SLC17A3: variants seen among roughly 807,000 people sequenced by gnomAD.
SLC17A3 encodes the protein sodium-dependent phosphate transport protein 4.
SLC17A3 carries 61 observed loss-of-function variants against 60.3 expected under a neutral mutation model. That is an observed-to-expected ratio of 1.01 (90% CI 0.82 to 1.25). The LOEUF (loss-of-function observed/expected upper bound fraction) is 1.25, where lower values mean the gene tolerates loss of function less well. Ranked by LOEUF, SLC17A3 falls within the 50% of genes most tolerant of loss-of-function variation. The probability of loss-of-function intolerance (pLI) is 0.00; values close to 1 mark genes in which losing one functional copy is unlikely to be tolerated. For missense variants in SLC17A3, 624 were observed against 594.9 expected (o/e 1.05, Z -0.51); for synonymous variants, 192 against 208.9 (o/e 0.92, Z 0.70).
chr6:25,855,194 C>T lies in SLC17A3; in HGVS notation c.662G>A (p.Gly221Asp). The change falls in exon 6 of 13, where the codon GGT becomes GAT. Residue 221 changes from glycine to aspartate, a missense_variant. Gly to Asp is a moderately conservative substitution (Grantham distance 94). Coordinates refer to ENST00000397060, the MANE Select transcript of SLC17A3 (RefSeq NM_001098486.2). ...LLGCFTAILI[G>D]GFISETLGWP... Reference sequence around the variant, plus strand: ...CCCAAGGGTTTCACTAATGAAGCCACCTATGAGGATGGCAGTAAAGCATCC... The same window carrying T: ...CCCAAGGGTTTCACTAATGAAGCCATCTATGAGGATGGCAGTAAAGCATCC... The T allele has an allele frequency of 1.2e-6, 2 of 1,613,636 alleles. No individual in the cohort carries two copies. The highest frequency in any genetic ancestry group is 1.7e-6 in the Non-Finnish European group (2 of 1,179,764).
Position 25,849,922 on chromosome 6 carries a change from G to A in SLC17A3, c.1154C>T (p.Ser385Phe), listed in dbSNP as rs1030268170. The change falls in exon 10 of 13, where the codon TCT becomes TTT. Residue 385 changes from serine to phenylalanine, a missense_variant. Physicochemically the swap from Ser to Phe is radical, Grantham distance 155. Transcript: ENST00000397060. ...ATAGCCGGAATTGAGGTAAGGCAGAGACACAATGAGTGCTGAAGAGGGGAG... is the reference window on the plus strand; with the variant it reads ...ATAGCCGGAATTGAGGTAAGGCAGAAACACAATGAGTGCTGAAGAGGGGAG... ...GSLPSSALIVSLPYLNSGYIT... is the reference protein window; with the variant it reads ...GSLPSSALIVFLPYLNSGYIT... The A allele has an allele frequency of 4.3e-6, 7 of 1,613,974 alleles. No homozygotes were observed. The African/African-American group carries it at 9.3e-5, about 22-fold the overall frequency.
intron 6 of SLC17A3, among the ~76,000 whole-genome samples, chr6:25,854,377 C>G (rs1765326758): frequency 6.6e-6 from 1 of 152,010 alleles, no homozygotes. Context: ...TGGTAATATT[C>G]CTTGTTCTGA....
chr6:25,865,950 A>G (rs1275827880), intron 2 of SLC17A3, among the ~76,000 whole-genome samples: 1 of 152,040 alleles, frequency 6.6e-6, no homozygotes, highest in African/African-American at 2.4e-5. Flanking sequence ...GTGAGAGGTT[A>G]TATTAATGAA....
At chr6:25,851,755 G>C (rs1765281232) in intron 6 of SLC17A3, among the ~76,000 whole-genome samples, 1 of 151,956 alleles carries the variant, frequency 6.6e-6, no homozygotes, top group South Asian at 2.1e-4. Flanking sequence ...TGATCTATTT[G>C]CCAATGTTTA....
intron 1 of SLC17A3, among the ~76,000 whole-genome samples, chr6:25,870,225 T>C (rs985309888): frequency 4.6e-5 from 7 of 152,116 alleles, no homozygotes; most frequent in Admixed American, 2.6e-4. Flanking sequence ...GTGTGGCCAG[T>C]ACATTTTAAA....
intron 2 of SLC17A3, among the ~76,000 whole-genome samples, chr6:25,867,999 G>A (rs991376360): frequency 2.0e-5 from 3 of 151,450 alleles, no homozygotes; most frequent in East Asian, 1.9e-4. Flanking sequence ...ATACAGTTAT[G>A]TTTAAAATAT....
At chr6:25,862,755 CAT>C (rs1404770912) in intron 2 of SLC17A3, among the ~76,000 whole-genome samples, 1 of 150,822 alleles carries the variant, frequency 6.6e-6, no homozygotes, top group African/African-American at 2.4e-5. Flanking sequence ...AATGCATATA[CAT>C]ATGTGTGTGT....
At position 25,844,895 on chromosome 6, in the gene SLC17A3, A is replaced by G. The variant is rs1191240428; in HGVS notation, c.*406T>C. The G allele has an allele frequency of 1.7e-5, 3 of 174,784 alleles. No homozygotes were observed. The highest frequency in any genetic ancestry group is 3.7e-5 in the Non-Finnish European group (3 of 81,242). The allele number at this position is 174,784 out of a possible 1,614,324, so 10.8% of individuals were successfully genotyped here. ...ATAAATGGAGGACATATAGGGAAGA[A>G]CACATGGACAATACTCAACCCAATA... is the stretch of plus-strand genomic sequence containing the variant. On this transcript the variant is annotated 3_prime_UTR_variant, in exon 13 of 13. Transcript: ENST00000397060.
intron 5 of SLC17A3, among the ~76,000 whole-genome samples, chr6:25,857,411 C>A (rs973681777): frequency 6.6e-6 from 1 of 151,780 alleles, no homozygotes; most frequent in African/African-American, 2.4e-5. Flanking sequence ...ATGCTGGCTG[C>A]AATTATCCTC....
At chr6:25,869,915 C>T (rs919952687) in intron 1 of SLC17A3, among the ~76,000 whole-genome samples, 1 of 152,018 alleles carries the variant, frequency 6.6e-6, no homozygotes, top group African/African-American at 2.4e-5. Context: ...ATTCTAAAAT[C>T]CATCCATGTT....
chr6:25,862,462 T>A lies in SLC17A3; in HGVS notation c.92-18A>T. On this transcript the variant is annotated intron_variant, in intron 2 of 12. Transcript: ENST00000397060. ...ACTTGGAACTGGAAATATTATGACA[T>A]CATATTAGTGTTTTTTAAAATTGAG... The A allele has an allele frequency of 6.3e-7, 1 of 1,586,182 alleles. No homozygotes were observed. Among genetic ancestry groups the A allele is most frequent in the Non-Finnish European group, 8.7e-7 (1 of 1,154,758 alleles).
rs139396357 is a variant in SLC17A3, at chr6:25,861,684, T to C, written c.565A>G (p.Ile189Val). The change falls in exon 5 of 13, where the codon ATT (isoleucine) becomes GTT (valine). Residue 189 changes from isoleucine to valine, a missense_variant. Transcript: ENST00000397060. ...TGTGGAGGGCCCCACTTTTCCCAAA[T>C]TGCAAACTGACCCCCAAGTATTGAG... ...QSSILGGQFA[I>V]WEKWGPPQER... The C allele has an allele frequency of 5.6e-6, 9 of 1,614,016 alleles. No individual in the cohort carries two copies. In the African/African-American group the frequency reaches 8.0e-5, roughly 14 times the overall value.
intron 10 of SLC17A3, 43 bp downstream of exon 10, chr6:25,849,762 T>C: frequency 6.2e-7 from 1 of 1,603,846 alleles, no homozygotes; most frequent in South Asian, 1.1e-5. Context: ...AGCTAAATCT[T>C]TTAAAGAAAA....
chr6:25,846,117 T>A (rs1484071643), intron 11 of SLC17A3, among the ~76,000 whole-genome samples: 4 of 152,178 alleles, frequency 2.6e-5, no homozygotes, highest in African/African-American at 9.7e-5. Flanking sequence ...TTTTAATGTA[T>A]AATTATTTAC....
At position 25,862,023 on chromosome 6, in the gene SLC17A3, C is replaced by A; in HGVS notation, c.310G>T (p.Val104Leu). 1.2e-6 allele frequency: 2 copies of A among 1,602,298 alleles called. No homozygotes were observed. The highest frequency in any genetic ancestry group is 1.7e-6 in the Non-Finnish European group (2 of 1,173,812). ...APKSLPAKAP[V>L]YDWSPQIQGI... Reference sequence around the variant, plus strand: ...TGGATTTGAGGAGACCAGTCATACACAGGAGCCTTAGAGAAACAGAGAATG... The same window carrying A: ...TGGATTTGAGGAGACCAGTCATACAAAGGAGCCTTAGAGAAACAGAGAATG... Residue 104 changes from valine (V) to leucine (L), a missense_variant, in exon 4 of 13, where the codon GTG (valine) becomes TTG (leucine). Coordinates refer to ENST00000397060, the MANE Select transcript of SLC17A3 (RefSeq NM_001098486.2).
chr6:25,873,466 T>C (rs1165001055), intron 1 of SLC17A3, among the ~76,000 whole-genome samples: 1 of 152,068 alleles, frequency 6.6e-6, no homozygotes, highest in Non-Finnish European at 1.5e-5. Context: ...ATCTGTGAAG[T>C]TGCAGCTGCC....
intron 6 of SLC17A3, among the ~76,000 whole-genome samples, chr6:25,852,812 A>G (rs1765300843): frequency 6.6e-6 from 1 of 152,024 alleles, no homozygotes; most frequent in Non-Finnish European, 1.5e-5. Context: ...TCAATTTATT[A>G]TTCTCTTCAT....
At chr6:25,847,958 C>T (rs1238710800) in intron 11 of SLC17A3, among the ~76,000 whole-genome samples, 1 of 152,120 alleles carries the variant, frequency 6.6e-6, no homozygotes, top group Non-Finnish European at 1.5e-5. Flanking sequence ...TTTGCATCAT[C>T]ACAGTTTAGC....
At chr6:25,852,141 A>G (rs1765288578) in intron 6 of SLC17A3, among the ~76,000 whole-genome samples, 1 of 151,598 alleles carries the variant, frequency 6.6e-6, no homozygotes, top group African/African-American at 2.4e-5. Context: ...GTTTTTTTGC[A>G]CTACTTTAAA....
Sources: gnomAD v4.1 joint callset for allele counts (sites outside exome capture counted in the v4.1 genomes callset) on GRCh38, gnomAD v4.1.1 for gene constraint, MANE v1.5 for transcripts, NCBI Gene and HGNC (gene_info 2026-07-23, HGNC 2026-07-21) for gene names.